RIMS1: variants seen among roughly 807,000 people sequenced by gnomAD.
RIMS1 encodes the protein regulating synaptic membrane exocytosis 1.
In RIMS1, 83 loss-of-function variants were observed where a neutral mutation model predicts 214.1. The ratio of observed to expected loss-of-function variants is 0.39; its 90% CI spans 0.32 to 0.47. The LOEUF (loss-of-function observed/expected upper bound fraction) is 0.47. Among genes scored for constraint, RIMS1 ranks in the 20% least tolerant of loss-of-function variants. RIMS1 has a pLI of 0.99. For missense variants in RIMS1, 2,050 were observed against 2,161.8 expected, an observed-to-expected ratio of 0.95 and a Z score of 1.03; for synonymous variants, 793 against 786.8, an observed-to-expected ratio of 1.01 and a Z score of -0.13.
At chr6:71,999,669 C>T (rs1380971111) in intron 2 of RIMS1, among the ~76,000 whole-genome samples, 2 of 152,042 alleles carry the variant, frequency 1.3e-5, no homozygotes, top group African/African-American at 4.8e-5. Flanking sequence ...AAATCGTCCA[C>T]CTTTAATAAT....
At chr6:72,345,459 T>C (rs1448331780) in intron 29 of RIMS1, among the ~76,000 whole-genome samples, 2 of 151,742 alleles carry the variant, frequency 1.3e-5, no homozygotes, top group Admixed American at 1.3e-4. Context: ...AAAACAGCCA[T>C]GAAATACTCT....
rs140167672 is a variant in RIMS1, at chr6:72,342,553, T to C, written c.4366+8718T>C. The stretch of plus-strand genomic sequence containing the variant: ...TCAAATGTAGCAGTCCTTTTTTCTT[T>C]GATTCTACCAACATTTATTAGCACT... On this transcript the variant is annotated intron_variant, in intron 29 of 33. Coordinates refer to ENST00000521978, the MANE Select transcript of RIMS1 (RefSeq NM_014989.7). 1.5e-4 allele frequency among the ~76,000 whole-genome samples: 23 copies of C among 151,904 alleles called. No individual in the cohort carries two copies. In the East Asian group the frequency reaches 4.3e-3, roughly 28 times the overall value.
intron 4 of RIMS1, among the ~76,000 whole-genome samples, chr6:72,109,836 T>C (rs1427500842): frequency 6.6e-6 from 1 of 152,078 alleles, no homozygotes. Flanking sequence ...TGGTTTTAGG[T>C]CTAACGTTTA....
intron 1 of RIMS1, among the ~76,000 whole-genome samples, chr6:71,899,582 ATTC>A (rs539018286): frequency 1.6e-3 from 244 of 152,288 alleles, no homozygotes; most frequent in African/African-American, 5.7e-3. Flanking sequence ...GACTTGAAAC[ATTC>A]TTCTATAAAG....
In RIMS1 at chr6:71,994,661, C is replaced by T. The variant is rs1362046308; in HGVS notation, c.245+25598C>T. Among the ~76,000 whole-genome samples the T allele has an allele frequency of 2.6e-5, 4 of 152,098 alleles. No homozygotes were observed. In the South Asian group the frequency reaches 6.2e-4, roughly 24 times the overall value. On this transcript the variant is annotated intron_variant, in intron 2 of 33. Transcript: ENST00000521978. ...ATGCTTCACCTTGTCATCATAGCTA[C>T]CCAAAAGAATGTGTCAATCTCACCA...
At chr6:71,897,122 T>A (rs1772037127) in intron 1 of RIMS1, among the ~76,000 whole-genome samples, 1 of 152,202 alleles carries the variant, frequency 6.6e-6, no homozygotes, top group Non-Finnish European at 1.5e-5. Flanking sequence ...CTGCAACTCC[T>A]CACTTCACCC....
At chr6:72,085,336 T>C (rs1024617683) in intron 2 of RIMS1, among the ~76,000 whole-genome samples, 1 of 152,188 alleles carries the variant, frequency 6.6e-6, no homozygotes, top group East Asian at 1.9e-4. Context: ...TGAAGCAACC[T>C]ATGTTTAAGC....
intron 19 of RIMS1, chr6:72,262,185 C>A: frequency 2.1e-6 from 2 of 931,738 alleles, no homozygotes; most frequent in Non-Finnish European, 2.6e-6. Context: ...AAATATTTTT[C>A]TTTCCCTTAT....
At chr6:72,059,572 G>C (rs1048844647) in intron 2 of RIMS1, among the ~76,000 whole-genome samples, 4 of 152,142 alleles carry the variant, frequency 2.6e-5, no homozygotes, top group Non-Finnish European at 4.4e-5. Flanking sequence ...TATTGGTTTA[G>C]ACTTGTTAAC....
At chr6:72,068,714 G>A (rs1161342834) in intron 2 of RIMS1, among the ~76,000 whole-genome samples, 1 of 152,054 alleles carries the variant, frequency 6.6e-6, no homozygotes, top group Non-Finnish European at 1.5e-5. Context: ...ACGAGGTCAG[G>A]AGATCGAGAC....
intron 1 of RIMS1, among the ~76,000 whole-genome samples, chr6:71,914,072 A>T (rs1382729458): frequency 6.6e-6 from 1 of 152,144 alleles, no homozygotes; most frequent in East Asian, 1.9e-4. Context: ...TGTGCTCTGA[A>T]TGTATGACTT....
intron 4 of RIMS1, among the ~76,000 whole-genome samples, chr6:72,164,774 G>A (rs367665166): frequency 1.3e-5 from 2 of 152,124 alleles, no homozygotes; most frequent in Non-Finnish European, 2.9e-5. Context: ...CAGCAGATTT[G>A]TTGTCTCAAA....
At chr6:72,344,918 G>T (rs1310965177) in intron 29 of RIMS1, among the ~76,000 whole-genome samples, 1 of 151,730 alleles carries the variant, frequency 6.6e-6, no homozygotes, top group Admixed American at 6.6e-5. Flanking sequence ...GATTTCAGTG[G>T]AATTAATTTT....
In RIMS1 at chr6:72,324,077, T is replaced by TAGATAGAG. The variant is rs1554514919; in HGVS notation, c.4131-9520_4131-9519insTAGAGAGA. Among the ~76,000 whole-genome samples, 5 of 145,322 alleles carry TAGATAGAG rather than the reference T, an allele frequency of 3.4e-5. No homozygotes were observed. In the Admixed American group the frequency reaches 3.5e-4, roughly 10 times the overall value. ...ATAGATAGATAGATAGATAGATAGA[T>TAGATAGAG]AGAGAACAAAGAGAATTCATCATGA... On this transcript the variant is annotated intron_variant, in intron 28 of 33. Coordinates refer to ENST00000521978, the MANE Select transcript of RIMS1 (RefSeq NM_014989.7).
intron 6 of RIMS1, chr6:72,217,083 A>G: frequency 3.3e-6 from 5 of 1,505,224 alleles, no homozygotes; most frequent in African/African-American, 2.8e-5. Flanking sequence ...AAAATGTTGT[A>G]TTTTGGTGGA....
At chr6:72,296,735 T>C (rs1482718888) in intron 26 of RIMS1, among the ~76,000 whole-genome samples, 1 of 151,906 alleles carries the variant, frequency 6.6e-6, no homozygotes, top group African/African-American at 2.4e-5. Flanking sequence ...TTCTCAATAT[T>C]TGAAAGTGGA....
chr6:72,166,478 A>G (rs976465575), intron 4 of RIMS1, among the ~76,000 whole-genome samples: 4 of 152,180 alleles, frequency 2.6e-5, no homozygotes, highest in Non-Finnish European at 4.4e-5. Context: ...TTTCCCAGCA[A>G]TATTTTGTAA....
At chr6:71,910,674 A>G (rs1259488186) in intron 1 of RIMS1, among the ~76,000 whole-genome samples, 1 of 152,106 alleles carries the variant, frequency 6.6e-6, no homozygotes, top group Non-Finnish European at 1.5e-5. Context: ...GTTTGTGGAG[A>G]ACCTTTGCAT....
At chr6:72,235,999 A>G (rs2063870977) in intron 8 of RIMS1, among the ~76,000 whole-genome samples, 1 of 152,154 alleles carries the variant, frequency 6.6e-6, no homozygotes, top group African/African-American at 2.4e-5. Flanking sequence ...AAGCAGCAAC[A>G]TAAACATCAT....
Sources: allele counts gnomAD v4.1 joint callset (sites outside exome capture counted in the v4.1 genomes callset), GRCh38; gene constraint gnomAD v4.1.1; transcripts MANE v1.5; gene names NCBI Gene and HGNC (gene_info 2026-07-23, HGNC 2026-07-21).